Variants in KIF14 observed in about 807,000 individuals in gnomAD.
KIF14 encodes kinesin family member 14.
A neutral mutation model predicts 176.2 loss-of-function variants in KIF14; 98 were observed. That is an observed-to-expected ratio of 0.56 (90% confidence interval 0.47 to 0.66). The LOEUF is 0.66. KIF14 is among the 30% of genes least tolerant of loss of function. KIF14 has a pLI of 0.00. For synonymous variants in KIF14, 566 were observed against 632.2 expected (o/e 0.90, Z 1.57); for missense variants, 1,751 against 1,920.4 (o/e 0.91, Z 1.65).
intron 2 of KIF14, 54 bp from the exon 3 acceptor site, chr1:200,615,663 A>C (rs1660375029): frequency 4.1e-6 from 6 of 1,447,806 alleles, no homozygotes; most frequent in Non-Finnish European, 5.7e-6. Flanking sequence ...CAAGGGTATT[A>C]TTCTCACAGA....
At chr1:200,576,252 G>A (rs1658097606) in intron 21 of KIF14, among the ~76,000 whole-genome samples, 1 of 152,008 alleles carries the variant, frequency 6.6e-6, no homozygotes, top group South Asian at 2.1e-4. Flanking sequence ...GCCGAGGCGG[G>A]CGGATCACGA....
At position 200,590,090 on chromosome 1, in the gene KIF14, C is replaced by T. The variant is rs757420713; in HGVS notation, c.2961+35G>A. 11 of 1,576,722 alleles carry T rather than the reference C, an allele frequency of 7.0e-6. No homozygotes were observed. In the East Asian group the frequency reaches 1.3e-4, roughly 19 times the overall value. ...CAACACATCACTTGGGGTACACTGT[C>T]GGAAAAAAAAAATAAAACTAATTCT... On this transcript the variant is annotated intron_variant, in intron 17 of 29. Transcript: ENST00000367350.
At chr1:200,557,314 T>C (rs1656888114) in intron 27 of KIF14, among the ~76,000 whole-genome samples, 1 of 152,166 alleles carries the variant, frequency 6.6e-6, no homozygotes, top group African/African-American at 2.4e-5. Context: ...GTTTTTATTT[T>C]TTAAAACAAA....
At chr1:200,598,670 T>C (rs1370540891) in intron 13 of KIF14, among the ~76,000 whole-genome samples, 1 of 152,208 alleles carries the variant, frequency 6.6e-6, no homozygotes, top group Non-Finnish European at 1.5e-5. Context: ...ACGATTCTCC[T>C]GCTTCAGCCT....
intron 27 of KIF14, among the ~76,000 whole-genome samples, chr1:200,555,736 T>G (rs542230997): frequency 1.3e-5 from 2 of 152,258 alleles, no homozygotes; most frequent in East Asian, 3.9e-4. Context: ...CATAAAAAAT[T>G]TCAAGCTATA....
intron 11 of KIF14, among the ~76,000 whole-genome samples, chr1:200,600,849 A>T (rs1433801112): frequency 7.2e-5 from 11 of 152,236 alleles, no homozygotes; most frequent in Non-Finnish European, 5.9e-5. Context: ...TTCACTAGGC[A>T]GAACAGCCAA....
Position 200,555,466 on chromosome 1 carries a change from G to A in KIF14, c.4354-12C>T, listed in dbSNP as rs372805353. 1.6e-4 allele frequency: 227 copies of A among 1,415,518 alleles called. No homozygotes were observed. The highest frequency in any genetic ancestry group is 2.1e-4 in the Non-Finnish European group (222 of 1,033,934). The allele number at this position is 1,415,518 out of a possible 1,614,324, so 87.7% of individuals were successfully genotyped here. Reference sequence around the variant, plus strand: ...ATTTCTTTGGTAACCTATAGAGAATGTTAAAATATTTTATTATACTTTATT... The same window carrying A: ...ATTTCTTTGGTAACCTATAGAGAATATTAAAATATTTTATTATACTTTATT... On this transcript the variant is annotated splice_polypyrimidine_tract_variant and intron_variant, in intron 27 of 29. Transcript: ENST00000367350.
intron 19 of KIF14, among the ~76,000 whole-genome samples, chr1:200,585,500 T>C (rs1386857154): frequency 6.6e-6 from 1 of 152,216 alleles, no homozygotes; most frequent in Non-Finnish European, 1.5e-5. Flanking sequence ...GAATAAGATA[T>C]ATTTTTTAAA....
chr1:200,580,288 T>G lies in KIF14; in HGVS notation c.3431A>C (p.Glu1144Ala). 6.7e-7 allele frequency: 1 copy of G among 1,493,820 alleles called. No individual in the cohort carries two copies. The highest frequency in any genetic ancestry group is 1.4e-5 in the South Asian group (1 of 69,606). 92.5% of individuals were successfully genotyped at this position (1,493,820 alleles called of 1,614,324 possible). The change falls in exon 21 of 30, where the codon GAA (glutamate) becomes GCA (alanine). Residue 1144 changes from glutamate (E) to alanine (A), a missense_variant. Coordinates refer to ENST00000367350, the MANE Select transcript of KIF14 (RefSeq NM_014875.3). ...ISTFWSLEKF[E>A]SKLAAMKELY... ...TTCTTTCATTGCTGCAAGTTTAGATTCAAACTTTTCCAGACTCCAGAATGT... is the reference window on the plus strand; with the variant it reads ...TTCTTTCATTGCTGCAAGTTTAGATGCAAACTTTTCCAGACTCCAGAATGT...
At chr1:200,579,445 A>T (rs538391224) in intron 21 of KIF14, among the ~76,000 whole-genome samples, 38 of 152,170 alleles carry the variant, frequency 2.5e-4, no homozygotes, top group Admixed American at 7.2e-4. Context: ...CGTCTTTTTT[A>T]AAAAAATACA....
rs145353826 is a variant in KIF14 at position 200,601,912 on chromosome 1, G to C, written c.2136C>G (p.Asn712Lys). Residue 712 changes from asparagine (N) to lysine (K), a missense_variant, in exon 11 of 30, where the codon AAC becomes AAG. Transcript: ENST00000367350. ...AATATTCACCTCTAATTAACTTAGC[G>C]TTCATATCTTCATTTACTTTAGCAA... ...VNIAKVNEDM[N>K]AKLIRELKAE... 11 of 1,608,956 alleles carry C rather than the reference G, an allele frequency of 6.8e-6. No homozygotes were observed. Among genetic ancestry groups the C allele is most frequent in the Non-Finnish European group, 9.3e-6 (11 of 1,177,804 alleles).
At chr1:200,554,893 T>C (rs1656750903) in intron 28 of KIF14, among the ~76,000 whole-genome samples, 1 of 152,200 alleles carries the variant, frequency 6.6e-6, no homozygotes, top group Admixed American at 6.5e-5. Flanking sequence ...AAAAGATACA[T>C]TTATTTCATT....
rs1196144717 is a variant in KIF14, at chr1:200,589,202, A to G, written c.3114+15T>C. 3.2e-6 allele frequency: 5 copies of G among 1,584,724 alleles called. No individual in the cohort carries two copies. The highest frequency in any genetic ancestry group is 1.4e-5 in the African/African-American group (1 of 73,308). ...TTTCTCAGAATAGAGTTAACTGGTT[A>G]CACAATAAAATTACCTGTTTTGTAG... On this transcript the variant is annotated intron_variant, in intron 18 of 29. Coordinates refer to ENST00000367350, the MANE Select transcript of KIF14 (RefSeq NM_014875.3).
At chr1:200,617,582 T>G (rs1474953186) in intron 2 of KIF14, 30 bp downstream of exon 2, 3 of 1,562,844 alleles carry the variant, frequency 1.9e-6, no homozygotes, top group Non-Finnish European at 2.6e-6. Flanking sequence ...TGTAACTGCT[T>G]GGCTTTAGAT....
intron 28 of KIF14, among the ~76,000 whole-genome samples, chr1:200,555,103 A>C (rs563977741): frequency 2.5e-4 from 38 of 152,270 alleles, no homozygotes; most frequent in African/African-American, 9.1e-4. Flanking sequence ...TTAGCCTATA[A>C]TGACCCATCC....
intron 6 of KIF14, 45 bp downstream of exon 6, chr1:200,606,701 T>C: frequency 6.7e-7 from 1 of 1,489,424 alleles, no homozygotes; most frequent in East Asian, 2.3e-5. Context: ...ATTCACTCTA[T>C]TCATTTGTTT....
At chr1:200,581,470 T>A (rs919203626) in intron 19 of KIF14, among the ~76,000 whole-genome samples, 176 bp from the exon 20 acceptor site, 2 of 152,242 alleles carry the variant, frequency 1.3e-5, no homozygotes, top group Middle Eastern at 3.4e-3. Flanking sequence ...ATTTTTCCTA[T>A]AAAATGAGGT....
chr1:200,594,226 C>T (rs1378412221), intron 14 of KIF14, among the ~76,000 whole-genome samples: 1 of 151,880 alleles, frequency 6.6e-6, no homozygotes, highest in Non-Finnish European at 1.5e-5. Context: ...TGAGCCACTG[C>T]ATCGAGCCTC....
At chr1:200,561,570 A>G (rs909633978) in intron 25 of KIF14, among the ~76,000 whole-genome samples, 2 of 151,790 alleles carry the variant, frequency 1.3e-5, no homozygotes, top group African/African-American at 2.4e-5. Flanking sequence ...GAGAAGAAAA[A>G]AAAAAAAAAG....
Sources: gnomAD v4.1 joint callset for allele counts (sites outside exome capture counted in the v4.1 genomes callset) on GRCh38, gnomAD v4.1.1 for gene constraint, MANE v1.5 for transcripts, NCBI Gene and HGNC (gene_info 2026-07-23, HGNC 2026-07-21) for gene names.